The following ASNS variants were observed in gnomAD, a reference collection of about 807,000 sequenced individuals.
The protein encoded by ASNS is asparagine synthetase (glutamine-hydrolyzing), also known as asparagine synthetase [glutamine-hydrolyzing].
In ASNS, 37 loss-of-function variants were observed where a neutral mutation model predicts 62.6. The ratio of observed to expected loss-of-function variants is 0.59; its 90% confidence interval spans 0.45 to 0.78. The LOEUF (loss-of-function observed/expected upper bound fraction) is 0.78, where lower values mean the gene tolerates loss of function less well. Among genes scored for constraint, ASNS ranks in the 30% least tolerant of loss-of-function variants. The probability of loss-of-function intolerance (pLI) is 0.00; values close to 1 mark genes in which losing one functional copy is unlikely to be tolerated. For synonymous variants in ASNS, 207 were observed against 237.9 expected (o/e 0.87, Z 1.19); for missense variants, 520 against 682.4 (o/e 0.76, Z 2.65).
chr7:97,858,359 C>G lies in ASNS; in HGVS notation c.822G>C (p.Leu274=), dbSNP rs1216243388. The change falls in exon 7 of 13, where the codon CTG becomes CTC. Residue 274 remains leucine (L), a synonymous_variant. Coordinates refer to ENST00000394308, the MANE Select transcript of ASNS (RefSeq NM_001673.5). ...SLVAATLLKQ[L]KEAQVQYPLQ... is the part of the protein sequence containing the mutation. ...GAGGATACTGTACTTGGGCTTCTTT[C>G]AGCTGCTTCAACAGAGTGGCAGCAA... The G allele has an allele frequency of 1.9e-6, 3 of 1,614,150 alleles. No homozygotes were observed. The highest frequency in any genetic ancestry group is 2.5e-6 in the Non-Finnish European group (3 of 1,180,024).
chr7:97,918,604 T>A, the ASNS span, among the ~76,000 whole-genome samples: 5 of 152,204 alleles, frequency 3.3e-5, no homozygotes, highest in Admixed American at 6.5e-5. Context: ...TTTTTACTTT[T>A]TAAAAAAGGT....
the ASNS span, among the ~76,000 whole-genome samples, chr7:97,911,911 T>C: frequency 6.6e-6 from 1 of 152,148 alleles, no homozygotes; most frequent in South Asian, 2.1e-4. Flanking sequence ...TAAATGTGCC[T>C]CTAGAAGTGT....
Position 97,853,086 on chromosome 7 carries a change from T to C in ASNS, c.1450A>G (p.Ile484Val). 6.3e-7 allele frequency: 1 copy of C among 1,592,768 alleles called. No individual in the cohort carries two copies. The highest frequency in any genetic ancestry group is 8.5e-7 in the Non-Finnish European group (1 of 1,172,996). Residue 484 changes from isoleucine (I) to valine (V), a missense_variant, in exon 12 of 13, where the codon ATT (isoleucine) becomes GTT (valine). Coordinates refer to ENST00000394308, the MANE Select transcript of ASNS (RefSeq NM_001673.5). The stretch of plus-strand genomic sequence containing the variant: ...TGATGTTCAACGTATTCCTGTAAAA[T>C]CTTAAACCAGGAATTCTTAACTGAA... ...ITSVKNSWFK[I>V]LQEYVEHQVD...
At chr7:97,870,506 C>T (rs891594454) in intron 1 of ASNS, among the ~76,000 whole-genome samples, 1 of 152,064 alleles carries the variant, frequency 6.6e-6, no homozygotes, top group Non-Finnish European at 1.5e-5. Flanking sequence ...CTGGCTTTTC[C>T]GGAAAACCAG....
At chr7:97,894,480 C>CAAAAAAAAAAA in the ASNS span, among the ~76,000 whole-genome samples, 1 of 36,540 alleles carries the variant, frequency 2.7e-5, no homozygotes, top group Non-Finnish European at 4.6e-5. Context: ...TGAGGCTAAC[C>CAAAAAAAAAAA]AAAAAAAAAA....
At chr7:97,922,834 G>A in the ASNS span, among the ~76,000 whole-genome samples, 15 of 152,032 alleles carry the variant, frequency 9.9e-5, no homozygotes, top group African/African-American at 3.6e-4. Context: ...TGTCACCCAG[G>A]TGGCTGAAGT....
chr7:97,858,826 A>G, intron 6 of ASNS, 28 bp downstream of exon 6: 1 of 1,560,698 alleles, frequency 6.4e-7, no homozygotes, highest in South Asian at 1.2e-5. Context: ...CACATGAAAT[A>G]TAATTAGGTT....
chr7:97,856,719 T>C lies in ASNS; in HGVS notation c.1001A>G (p.Tyr334Cys), dbSNP rs1231568217. Residue 334 changes from tyrosine to cysteine, a missense_variant, in exon 8 of 13, where the codon TAT becomes TGT. Physicochemically the swap from Tyr to Cys is radical, Grantham distance 194. Coordinates refer to ENST00000394308, the MANE Select transcript of ASNS (RefSeq NM_001673.5). ...TGAAGCACGAACTGTTGTAATGTCA[T>C]AAGTTTCCAAGGAAAATATGACTTC... ...LDEVIFSLET[Y>C]DITTVRASVG... The C allele has an allele frequency of 6.2e-7, 1 of 1,613,484 alleles. No individual in the cohort carries two copies. The highest frequency in any genetic ancestry group is 8.5e-7 in the Non-Finnish European group (1 of 1,179,684).
chr7:97,899,557 C>T, the ASNS span, among the ~76,000 whole-genome samples: 3 of 152,186 alleles, frequency 2.0e-5, no homozygotes, highest in East Asian at 5.8e-4. Flanking sequence ...AATTTTAGAA[C>T]ATTTCATGAC....
intron 4 of ASNS, among the ~76,000 whole-genome samples, chr7:97,861,527 T>C (rs974736996): frequency 2.0e-5 from 3 of 152,230 alleles, no homozygotes; most frequent in Non-Finnish European, 4.4e-5. Flanking sequence ...TCTATACATC[T>C]ATCCTTCTGT....
At chr7:97,898,072 C>T in the ASNS span, among the ~76,000 whole-genome samples, 12 of 152,110 alleles carry the variant, frequency 7.9e-5, no homozygotes, top group South Asian at 1.9e-3. Context: ...AGACTACAGG[C>T]GCATGCCACC....
At chr7:97,903,433 C>G in the ASNS span, among the ~76,000 whole-genome samples, 8 of 152,146 alleles carry the variant, frequency 5.3e-5, no homozygotes, top group Non-Finnish European at 1.2e-4. Context: ...CTGCCATTTA[C>G]ATGCAGACAT....
chr7:97,900,360 C>CAAA, the ASNS span, among the ~76,000 whole-genome samples: 1,871 of 88,584 alleles, frequency 0.021, 110 homozygotes, highest in African/African-American at 0.026. Flanking sequence ...GACTTTGTCT[C>CAAA]AAAAAAAAAA....
At chr7:97,927,711 C>T in the ASNS span, among the ~76,000 whole-genome samples, 2 of 152,260 alleles carry the variant, frequency 1.3e-5, no homozygotes, top group African/African-American at 4.8e-5. Flanking sequence ...TCATCCTTTC[C>T]GTGATCGGCC....
At chr7:97,855,293 T>C in intron 9 of ASNS, 60 bp downstream of exon 9, 1 of 1,225,262 alleles carries the variant, frequency 8.2e-7, no homozygotes, top group Admixed American at 1.8e-5. Context: ...TAGAAAATAG[T>C]CAAACAATTC....
At chr7:97,909,189 T>C in the ASNS span, among the ~76,000 whole-genome samples, 2 of 152,140 alleles carry the variant, frequency 1.3e-5, no homozygotes, top group African/African-American at 4.8e-5. Context: ...CTGAGGATGA[T>C]GCTTCTTCCT....
the ASNS span, chr7:97,906,911 C>G: frequency 1.3e-5 from 2 of 152,132 alleles, no homozygotes; most frequent in Non-Finnish European, 2.9e-5. Context: ...AGCAAATTCT[C>G]TGTGACTCTA....
the ASNS span, among the ~76,000 whole-genome samples, chr7:97,926,835 T>G: frequency 6.6e-6 from 1 of 152,140 alleles, no homozygotes; most frequent in Admixed American, 6.5e-5. Flanking sequence ...ATTATCAACA[T>G]ATCATCATTT....
Position 97,858,826 on chromosome 7 carries a change from ATAATTAGGTT to A in ASNS, c.775+18_775+27del, listed in dbSNP as rs1263140912. ...CATTTCAATTAAACACACATGAAAT[ATAATTAGGTT>A]TTTTTAATTGACTTCACCTGATAAA... is the stretch of plus-strand genomic sequence containing the variant. On this transcript the variant is annotated intron_variant, in intron 6 of 12. Coordinates refer to ENST00000394308, the MANE Select transcript of ASNS (RefSeq NM_001673.5). 1 of 1,560,570 alleles carries A rather than the reference ATAATTAGGTT, an allele frequency of 6.4e-7. No individual in the cohort carries two copies. Among genetic ancestry groups the A allele is most frequent in the South Asian group, 1.2e-5 (1 of 85,886 alleles).
Sources: allele counts gnomAD v4.1 joint callset (sites outside exome capture counted in the v4.1 genomes callset), GRCh38; gene constraint gnomAD v4.1.1; transcripts MANE v1.5; gene names NCBI Gene and HGNC (gene_info 2026-07-23, HGNC 2026-07-21).